The following NRXN3 variants were observed in gnomAD, a reference collection of about 807,000 sequenced individuals.
NRXN3 encodes neurexin III.
In NRXN3, 32 loss-of-function variants were observed where a neutral mutation model predicts 137.6. That is an observed-to-expected ratio of 0.23 (90% confidence interval 0.18 to 0.31). The LOEUF is 0.31. NRXN3 is among the 10% of genes least tolerant of loss of function. The probability of loss-of-function intolerance (pLI) is 1.00; values close to 1 mark genes in which losing one functional copy is unlikely to be tolerated. For missense variants in NRXN3, 1,574 were observed against 2,062.5 expected (o/e 0.76, Z 4.59); for synonymous variants, 798 against 784.5 (o/e 1.02, Z -0.29).
intron 4 of NRXN3, among the ~76,000 whole-genome samples, chr14:78,406,354 G>A (rs1276211509): frequency 2.6e-5 from 4 of 152,104 alleles, no homozygotes; most frequent in Non-Finnish European, 4.4e-5. Context: ...CTACCCCCCC[G>A]GAAGCTGAAG....
intron 4 of NRXN3, among the ~76,000 whole-genome samples, chr14:78,509,972 A>G (rs1324287249): frequency 6.6e-6 from 1 of 151,604 alleles, no homozygotes; most frequent in Non-Finnish European, 1.5e-5. Context: ...GATCTTTTCT[A>G]TATAGGGGAG....
chr14:79,376,265 T>TATATATACATAC (rs1566950685), intron 15 of NRXN3, among the ~76,000 whole-genome samples: 1 of 72,706 alleles, frequency 1.4e-5, no homozygotes, highest in African/African-American at 4.4e-5. Context: ...TATATATATA[T>TATATATACATAC]ACACATACAT....
chr14:79,008,839 A>G lies in NRXN3; in HGVS notation c.3262+20698A>G, dbSNP rs2964905. Among the ~76,000 whole-genome samples, 1,472 of 151,876 alleles carry G rather than the reference A, an allele frequency of 9.7e-3. 21 individuals carry two copies. Among genetic ancestry groups the G allele is most frequent in the African/African-American group, 0.034 (1,404 of 41,424 alleles). ...ACACCTGGCTAATTTTTGTATTTTT[A>G]GTAGAGATGGGGTTTCACCATCTTG... is the stretch of plus-strand genomic sequence containing the variant. On this transcript the variant is annotated intron_variant, in intron 15 of 20. Transcript: ENST00000335750.
At chr14:78,481,565 A>G (rs1166065834) in intron 4 of NRXN3, among the ~76,000 whole-genome samples, 1 of 152,188 alleles carries the variant, frequency 6.6e-6, no homozygotes, top group Non-Finnish European at 1.5e-5. Context: ...GAGCCCAGGC[A>G]AAGTCTGAGG....
At chr14:78,590,880 A>G (rs1452634110) in intron 4 of NRXN3, among the ~76,000 whole-genome samples, 6 of 152,202 alleles carry the variant, frequency 3.9e-5, no homozygotes, top group Admixed American at 2.6e-4. Flanking sequence ...CCAGGGAGAC[A>G]GAAGGAGACT....
chr14:79,068,001 A>G (rs901813682), intron 15 of NRXN3, among the ~76,000 whole-genome samples: 1 of 151,964 alleles, frequency 6.6e-6, no homozygotes, highest in African/African-American at 2.4e-5. Context: ...ATTTTGGATC[A>G]CTCAAATGTG....
rs201390706 is a variant in NRXN3, at chr14:78,319,970, G to A, written c.757+22110G>A. Among the ~76,000 whole-genome samples, 3 of 152,174 alleles carry A rather than the reference G, an allele frequency of 2.0e-5. No individual in the cohort carries two copies. The East Asian group carries it at 5.8e-4, about 29-fold the overall frequency. ...CTAGAGGGAGGAAGAAAAAAGCTTG[G>A]GACTGCTGCTGGAGGAACAGAAGTG... On this transcript the variant is annotated intron_variant, in intron 4 of 20. Transcript: ENST00000335750.
chr14:78,868,712 T>C (rs1182468663), intron 10 of NRXN3, among the ~76,000 whole-genome samples: 2 of 151,870 alleles, frequency 1.3e-5, no homozygotes, highest in Non-Finnish European at 2.9e-5. Flanking sequence ...TCCCAGCTAC[T>C]CAGGAGCCTA....
At chr14:78,297,682 A>T in intron 3 of NRXN3, 149 bp from the exon 4 acceptor site, 1 of 654,330 alleles carries the variant, frequency 1.5e-6, no homozygotes, top group Non-Finnish European at 2.7e-6. Context: ...GTGGAGTCTG[A>T]CATGTGAGCA....
In NRXN3 at chr14:78,714,853, G is replaced by A. The variant is rs755282982; in HGVS notation, c.1758G>A (p.Pro586=). Residue 586 remains proline, a synonymous_variant, in exon 8 of 21, where the codon CCG becomes CCA. Transcript: ENST00000335750. ...GAGACATGTACCTGGGAGGGCTGCC[G>A]GAGAACCGTGCTGGCCTTATTCTCC... ...LEGDMYLGGL[P]ENRAGLILPT... The A allele has an allele frequency of 1.2e-5, 19 of 1,614,054 alleles. No homozygotes were observed. The African/African-American group carries it at 2.1e-4, about 18-fold the overall frequency.
chr14:78,555,204 A>G (rs1212367820), intron 4 of NRXN3, among the ~76,000 whole-genome samples: 2 of 152,212 alleles, frequency 1.3e-5, no homozygotes, highest in East Asian at 3.9e-4. Context: ...CAAAATAAAT[A>G]GCACTATGAC....
rs1295531412 is a variant in NRXN3, at chr14:79,868,234, T to C, written c.*6270T>C. 1 of 152,246 alleles carries C rather than the reference T, an allele frequency of 6.6e-6. No individual in the cohort carries two copies. Among genetic ancestry groups the C allele is most frequent in the East Asian group, 1.9e-4 (1 of 5,202 alleles). The allele number at this position is 152,246 out of a possible 1,614,324, so 9.4% of individuals were successfully genotyped here. A position where few individuals can be genotyped will look rare whatever the true frequency, so the allele number is the denominator to read the frequency against. ...CAGGCAGGATCAAAATTAGCTGCTATATGCATGACTAACCAGGACCAAAAA... is the reference window on the plus strand; with the variant it reads ...CAGGCAGGATCAAAATTAGCTGCTACATGCATGACTAACCAGGACCAAAAA... On this transcript the variant is annotated 3_prime_UTR_variant, in exon 21 of 21. Coordinates refer to ENST00000335750, the MANE Select transcript of NRXN3 (RefSeq NM_001330195.2).
At chr14:79,376,085 GTCA>G (rs1023388110) in intron 15 of NRXN3, among the ~76,000 whole-genome samples, 50 of 146,692 alleles carry the variant, frequency 3.4e-4, no homozygotes, top group Admixed American at 6.9e-4. Flanking sequence ...TATTGTTTTA[GTCA>G]TCATCATCAT....
chr14:79,764,561 AC>A (rs1488435045), intron 19 of NRXN3, among the ~76,000 whole-genome samples: 3 of 152,188 alleles, frequency 2.0e-5, no homozygotes, highest in Admixed American at 2.0e-4. Flanking sequence ...CACTGCAGCT[AC>A]ATTTAAGGTC....
At chr14:78,717,877 A>T (rs2098441304) in intron 8 of NRXN3, among the ~76,000 whole-genome samples, 1 of 152,206 alleles carries the variant, frequency 6.6e-6, no homozygotes, top group Non-Finnish European at 1.5e-5. Context: ...GCAGATGTCT[A>T]TAGGGAAACA....
chr14:78,735,008 T>C (rs531913718), intron 8 of NRXN3, among the ~76,000 whole-genome samples: 48 of 152,124 alleles, frequency 3.2e-4, no homozygotes, highest in African/African-American at 1.1e-3. Flanking sequence ...TGTAGGACAG[T>C]GAGTGGATTG....
Position 78,335,809 on chromosome 14 carries a change from T to C in NRXN3, c.757+37949T>C, listed in dbSNP as rs181318544. Among the ~76,000 whole-genome samples the C allele has an allele frequency of 4.8e-3, 732 of 152,254 alleles. 3 individuals carry two copies. Among genetic ancestry groups the C allele is most frequent in the Non-Finnish European group, 7.0e-3 (479 of 67,994 alleles). ...ATGAAAAGCCCTGTCTCCAGCTCCA[T>C]GAAATGTAAATCTGGGAACTGCTGG... On this transcript the variant is annotated intron_variant, in intron 4 of 20. Transcript: ENST00000335750.
At chr14:78,586,928 A>T (rs2097069670) in intron 4 of NRXN3, among the ~76,000 whole-genome samples, 2 of 152,194 alleles carry the variant, frequency 1.3e-5, no homozygotes, top group Non-Finnish European at 1.5e-5. Flanking sequence ...TGCTCGCCTG[A>T]GGAATTATGC....
At chr14:78,892,555 T>C (rs1475218637) in intron 10 of NRXN3, among the ~76,000 whole-genome samples, 1 of 151,876 alleles carries the variant, frequency 6.6e-6, no homozygotes, top group Non-Finnish European at 1.5e-5. Context: ...CCTTCCTTTT[T>C]TTTTTTTCTT....
Sources: gnomAD v4.1 joint callset for allele counts (sites outside exome capture counted in the v4.1 genomes callset) on GRCh38, gnomAD v4.1.1 for gene constraint, MANE v1.5 for transcripts, NCBI Gene and HGNC (gene_info 2026-07-23, HGNC 2026-07-21) for gene names.